The following RANBP2 variants were observed in gnomAD, a reference collection of about 807,000 sequenced individuals.
RANBP2 encodes the protein RAN binding protein 2.
Under a neutral mutation model 303.6 loss-of-function variants are expected in RANBP2, and 57 were observed. That is an observed-to-expected ratio of 0.19 (90% confidence interval 0.15 to 0.23). The LOEUF is 0.23. Ranked by LOEUF, RANBP2 falls within the 10% of genes least tolerant of loss-of-function variation. RANBP2 has a pLI of 1.00. For missense variants in RANBP2, 3,138 were observed against 3,780.8 expected, an observed-to-expected ratio of 0.83 and a Z score of 4.46; for synonymous variants, 1,167 against 1,301.5, an observed-to-expected ratio of 0.90 and a Z score of 2.23.
the RANBP2 span, among the ~76,000 whole-genome samples, chr2:109,332,459 C>T: frequency 6.6e-6 from 1 of 152,192 alleles, no homozygotes; most frequent in Non-Finnish European, 1.5e-5. Context: ...GGGCTGAGTG[C>T]AGCAGAAGCA....
At chr2:109,593,414 T>TTTTTTTC in the RANBP2 span, among the ~76,000 whole-genome samples, 1 of 150,286 alleles carries the variant, frequency 6.7e-6, no homozygotes, top group Non-Finnish European at 1.5e-5. Flanking sequence ...AAGAACTTTT[T>TTTTTTTC]TTTTTTTTTG....
chr2:108,743,661 G>A (rs1696291679), intron 7 of RANBP2, among the ~76,000 whole-genome samples: 1 of 152,188 alleles, frequency 6.6e-6, no homozygotes, highest in South Asian at 2.1e-4. Context: ...CTACTGTTAG[G>A]AGTTTCTTGG....
chr2:108,822,382 CAGATAGAATAACT>C, the RANBP2 span, among the ~76,000 whole-genome samples: 5 of 152,150 alleles, frequency 3.3e-5, no homozygotes, highest in Middle Eastern at 6.8e-3. Flanking sequence ...CTTTCAGAAA[CAGATAGAATAACT>C]AGACAGAATA....
chr2:109,149,395 G>A, the RANBP2 span, among the ~76,000 whole-genome samples: 1 of 152,222 alleles, frequency 6.6e-6, no homozygotes, highest in Non-Finnish European at 1.5e-5. Flanking sequence ...TAATAACGTA[G>A]CTATTAATAT....
At chr2:109,703,672 G>A in the RANBP2 span, among the ~76,000 whole-genome samples, 3 of 151,964 alleles carry the variant, frequency 2.0e-5, no homozygotes, top group Admixed American at 6.6e-5. Flanking sequence ...CAGGTGATCC[G>A]CCCGCCTCGG....
chr2:108,968,852 A>C, the RANBP2 span, among the ~76,000 whole-genome samples: 3 of 152,198 alleles, frequency 2.0e-5, no homozygotes. Context: ...TCACTCTGCT[A>C]TGCACTATTT....
At chr2:108,808,299 C>T in the RANBP2 span, among the ~76,000 whole-genome samples, 1,508 of 152,260 alleles carry the variant, frequency 9.9e-3, 12 homozygotes, top group Middle Eastern at 0.051. Context: ...TTGGCTATTG[C>T]AAATACTGCT....
chr2:109,623,203 C>T, the RANBP2 span, among the ~76,000 whole-genome samples: 59 of 152,254 alleles, frequency 3.9e-4, no homozygotes, highest in African/African-American at 1.3e-3. Flanking sequence ...TTTGTTCTAT[C>T]GGAATCTATT....
chr2:109,526,622 TTGAA>T, the RANBP2 span, among the ~76,000 whole-genome samples: 3 of 152,120 alleles, frequency 2.0e-5, no homozygotes, highest in African/African-American at 7.2e-5. Flanking sequence ...CACCTCCTCT[TTGAA>T]TGACACCAGA....
chr2:108,908,022 G>A, the RANBP2 span: 1 of 1,606,278 alleles, frequency 6.2e-7, no homozygotes, highest in Non-Finnish European at 8.5e-7. Flanking sequence ...CGTTCTCGCT[G>A]CAAAAACAAG....
chr2:109,134,368 C>A, the RANBP2 span, among the ~76,000 whole-genome samples: 1 of 152,204 alleles, frequency 6.6e-6, no homozygotes, highest in Non-Finnish European at 1.5e-5. Context: ...AAAAACCAGA[C>A]AGCTCACAAG....
At chr2:109,233,518 C>T in the RANBP2 span, among the ~76,000 whole-genome samples, 1 of 152,126 alleles carries the variant, frequency 6.6e-6, no homozygotes, top group Non-Finnish European at 1.5e-5. Context: ...TGTGGTGGGC[C>T]AGGGTGGTTT....
At chr2:109,726,058 GGT>G in the RANBP2 span, among the ~76,000 whole-genome samples, 3,744 of 137,028 alleles carry the variant, frequency 0.027, 58 homozygotes, top group South Asian at 0.064. Flanking sequence ...TTTTGCTTTT[GGT>G]GTGTGTGTGT....
At chr2:109,674,895 T>A in the RANBP2 span, among the ~76,000 whole-genome samples, 1 of 152,212 alleles carries the variant, frequency 6.6e-6, no homozygotes, top group Admixed American at 6.5e-5. Flanking sequence ...CTCTTTCCAG[T>A]CTTTTCCCCA....
At chr2:108,805,532 T>C in the RANBP2 span, among the ~76,000 whole-genome samples, 2 of 151,220 alleles carry the variant, frequency 1.3e-5, no homozygotes, top group East Asian at 3.9e-4. Context: ...GAGACCATCC[T>C]GGCTAACACA....
At chr2:109,281,976 G>A in the RANBP2 span, among the ~76,000 whole-genome samples, 16 of 152,092 alleles carry the variant, frequency 1.1e-4, no homozygotes, top group South Asian at 2.1e-4. Context: ...ATGGCCGAGC[G>A]CTGGGCCAGG....
chr2:109,612,119 A>C, the RANBP2 span, among the ~76,000 whole-genome samples: 2 of 152,188 alleles, frequency 1.3e-5, no homozygotes, highest in Non-Finnish European at 2.9e-5. Flanking sequence ...CATACCATGG[A>C]ATACTACCCC....
the RANBP2 span, among the ~76,000 whole-genome samples, chr2:109,336,047 C>T: frequency 3.3e-5 from 5 of 152,146 alleles, no homozygotes; most frequent in Non-Finnish European, 5.9e-5. Flanking sequence ...AAAGCTTTAG[C>T]GTAGAAGGCA....
the RANBP2 span, among the ~76,000 whole-genome samples, chr2:109,236,823 C>T: frequency 6.6e-6 from 1 of 152,172 alleles, no homozygotes; most frequent in Non-Finnish European, 1.5e-5. Context: ...AGAGGACTCT[C>T]CTCAGAGATC....
Sources: gnomAD v4.1 joint callset for allele counts (sites outside exome capture counted in the v4.1 genomes callset) on GRCh38, gnomAD v4.1.1 for gene constraint, MANE v1.5 for transcripts, NCBI Gene and HGNC (gene_info 2026-07-23, HGNC 2026-07-21) for gene names.